TERF1: variants seen among roughly 807,000 people sequenced by gnomAD.
TERF1 encodes the protein telomeric repeat binding factor 1.
TERF1 carries 20 observed loss-of-function variants against 55.1 expected under a neutral mutation model. That is an observed-to-expected ratio of 0.36 (90% CI 0.26 to 0.53). The LOEUF is 0.53. TERF1 is among the 20% of genes least tolerant of loss of function. The pLI is 0.91. For synonymous variants in TERF1, 168 were observed against 181.2 expected (o/e 0.93, Z 0.59); for missense variants, 439 against 535.7 (o/e 0.82, Z 1.78).
In TERF1 at chr8:73,047,792, A is replaced by G. The variant is rs945658759; in HGVS notation, c.*1655A>G. Reference sequence around the variant, plus strand: ...ATCTTGTTACACCACAAGATACTGCACTATTTATTGGAGATATTTTGATGA... The same window carrying G: ...ATCTTGTTACACCACAAGATACTGCGCTATTTATTGGAGATATTTTGATGA... On this transcript the variant is annotated 3_prime_UTR_variant, in exon 10 of 10. Coordinates refer to ENST00000276603, the MANE Select transcript of TERF1 (RefSeq NM_017489.3). 2.0e-5 allele frequency: 3 copies of G among 152,196 alleles called. No homozygotes were observed. Among genetic ancestry groups the G allele is most frequent in the Non-Finnish European group, 4.4e-5 (3 of 68,040 alleles). The allele number at this position is 152,196 out of a possible 1,614,324, so 9.4% of individuals were successfully genotyped here.
chr8:73,043,817 A>G (rs561214886), intron 9 of TERF1, among the ~76,000 whole-genome samples: 1 of 152,352 alleles, frequency 6.6e-6, no homozygotes, highest in East Asian at 1.9e-4. Flanking sequence ...CAAGAAAACA[A>G]TGCTGTATAT....
At chr8:73,019,861 G>C (rs1029592262) in intron 2 of TERF1, among the ~76,000 whole-genome samples, 1 of 152,140 alleles carries the variant, frequency 6.6e-6, no homozygotes, top group African/African-American at 2.4e-5. Context: ...GTCTGAAAGA[G>C]CTTCCCTCTC....
intron 5 of TERF1, among the ~76,000 whole-genome samples, chr8:73,026,028 C>G (rs3115738): frequency 1.3e-5 from 2 of 149,314 alleles, no homozygotes; most frequent in African/African-American, 5.0e-5. Flanking sequence ...AACCCCATCT[C>G]TACCGAAAAA....
Position 73,019,478 on chromosome 8 carries a change from A to G in TERF1, c.416-1206A>G, listed in dbSNP as rs549649823. Among the ~76,000 whole-genome samples, 15 of 152,260 alleles carry G rather than the reference A, an allele frequency of 9.9e-5. No homozygotes were observed. The South Asian group carries it at 2.5e-3, about 25-fold the overall frequency. On this transcript the variant is annotated intron_variant, in intron 2 of 9. Transcript: ENST00000276603. ...TTCAAAATAAGTTCCAAAACAGACA[A>G]CTACTTGCCTTTTCCATCATCTTTC...
intron 1 of TERF1, chr8:73,012,809 T>G (rs1372878356): frequency 1.7e-5 from 7 of 418,564 alleles, no homozygotes; most frequent in Non-Finnish European, 3.4e-5. Flanking sequence ...TCATTAAAAT[T>G]TTAATTAGTT....
intron 6 of TERF1, among the ~76,000 whole-genome samples, chr8:73,028,529 T>A (rs1023738043): frequency 6.6e-6 from 1 of 150,944 alleles, no homozygotes; most frequent in South Asian, 2.1e-4. Flanking sequence ...ACTAGATGAG[T>A]CAGAATTTAT....
intron 6 of TERF1, among the ~76,000 whole-genome samples, chr8:73,027,321 G>A (rs1809054168): frequency 6.6e-6 from 1 of 152,158 alleles, no homozygotes; most frequent in Non-Finnish European, 1.5e-5. Context: ...CAAGGGTGAG[G>A]TTGGACTCCT....
intron 4 of TERF1, among the ~76,000 whole-genome samples, chr8:73,022,603 G>A (rs56098228): frequency 0.016 from 2,377 of 151,442 alleles, 59 homozygotes; most frequent in African/African-American, 0.055. Flanking sequence ...CAAAAAGAAG[G>A]AATAATAAAT....
chr8:73,037,813 T>A (rs1397641024), intron 8 of TERF1, among the ~76,000 whole-genome samples: 1 of 89,238 alleles, frequency 1.1e-5, no homozygotes, highest in African/African-American at 4.3e-5. Context: ...ATATATATAT[T>A]ATATATAATA....
intron 1 of TERF1, 192 bp from the exon 2 acceptor site, chr8:73,013,702 GT>G (rs778579068): frequency 1.8e-6 from 1 of 544,250 alleles, no homozygotes; most frequent in South Asian, 2.2e-5. Context: ...ACATGTGAAA[GT>G]TATATTTTGT....
At chr8:73,037,232 AT>A (rs937070440) in intron 8 of TERF1, among the ~76,000 whole-genome samples, 4 of 136,342 alleles carry the variant, frequency 2.9e-5, no homozygotes, top group African/African-American at 1.1e-4. Flanking sequence ...TAATATAATA[AT>A]TTATATATAA....
At chr8:73,038,825 A>G in intron 8 of TERF1, 1 of 807,072 alleles carries the variant, frequency 1.2e-6, no homozygotes, top group Non-Finnish European at 1.5e-6. Flanking sequence ...CCTATGCAAT[A>G]AATATTTTTC....
Position 73,046,290 on chromosome 8 carries a change from G to A in TERF1, c.*153G>A. On this transcript the variant is annotated 3_prime_UTR_variant, in exon 10 of 10. Transcript: ENST00000276603. ...CAATTAATGAGGGTTTGTGCTACCAGAGTTAAAGCATATGCTATCATTGTA... is the reference window on the plus strand; with the variant it reads ...CAATTAATGAGGGTTTGTGCTACCAAAGTTAAAGCATATGCTATCATTGTA... 1.9e-6 allele frequency: 1 copy of A among 536,718 alleles called. No individual in the cohort carries two copies. The highest frequency in any genetic ancestry group is 3.1e-6 in the Non-Finnish European group (1 of 322,764). 33.2% of individuals were successfully genotyped at this position (536,718 alleles called of 1,614,324 possible).
At chr8:73,021,728 G>A (rs1419218694) in intron 3 of TERF1, among the ~76,000 whole-genome samples, 4 of 151,760 alleles carry the variant, frequency 2.6e-5, no homozygotes, top group South Asian at 2.1e-4. Context: ...TACTTACCAC[G>A]TTACCAAAAA....
rs984274511 is a variant in TERF1, at chr8:73,030,510, TCCTAGTTAG to T, written c.947+118_947+126del. On this transcript the variant is annotated intron_variant, in intron 7 of 9. Transcript: ENST00000276603. ...GTACAATTGAAAGAATATCTCAGGG[TCCTAGTTAG>T]CCCAACAGATAGTCACGACTCTGAG... 19 of 667,828 alleles carry T rather than the reference TCCTAGTTAG, an allele frequency of 2.8e-5. No individual in the cohort carries two copies. In the African/African-American group the frequency reaches 3.3e-4, roughly 11 times the overall value. 41.4% of individuals were successfully genotyped at this position (667,828 alleles called of 1,614,324 possible).
intron 4 of TERF1, among the ~76,000 whole-genome samples, chr8:73,023,622 A>G (rs1156422185): frequency 6.6e-6 from 1 of 152,144 alleles, no homozygotes; most frequent in Non-Finnish European, 1.5e-5. Context: ...TGAAAATTCT[A>G]CTCTGCTTAT....
chr8:73,028,571 ATT>A (rs59423351), intron 6 of TERF1, among the ~76,000 whole-genome samples: 24 of 104,404 alleles, frequency 2.3e-4, no homozygotes, highest in African/African-American at 4.2e-4. Context: ...ACGTAGACCC[ATT>A]TTTTTTTTTT....
intron 7 of TERF1, chr8:73,030,697 T>G (rs1809246623): frequency 4.2e-6 from 1 of 238,642 alleles, no homozygotes; most frequent in African/African-American, 2.2e-5. Flanking sequence ...AACAAAGATA[T>G]GATACTGGGG....
At chr8:73,031,792 GCTT>G (rs1218045749) in intron 7 of TERF1, 15 of 288,194 alleles carry the variant, frequency 5.2e-5, no homozygotes, top group Non-Finnish European at 9.6e-5. Flanking sequence ...TTTTTTGCCT[GCTT>G]CTTCTGAGAC....
Sources: allele counts gnomAD v4.1 joint callset (sites outside exome capture counted in the v4.1 genomes callset), GRCh38; gene constraint gnomAD v4.1.1; transcripts MANE v1.5; gene names NCBI Gene and HGNC (gene_info 2026-07-23, HGNC 2026-07-21).